Variants in ZNF254 observed in about 807,000 individuals in gnomAD.
The protein encoded by ZNF254 is zinc finger protein 254.
A neutral mutation model predicts 12.4 loss-of-function variants in ZNF254; 10 were observed. The observed-to-expected ratio is 0.80, with a 90% CI of 0.50 to 1.36. ZNF254 has a LOEUF of 1.36. ZNF254 is among the 40% of genes most tolerant of loss of function. ZNF254 has a pLI of 0.00. For synonymous variants in ZNF254, 305 were observed against 253.4 expected, an observed-to-expected ratio of 1.20 and a Z score of -1.93; for missense variants, 996 against 763.9, an observed-to-expected ratio of 1.30 and a Z score of -3.58.
At chr19:24,099,401 G>C (rs1972874333) in intron 1 of ZNF254, among the ~76,000 whole-genome samples, 1 of 152,112 alleles carries the variant, frequency 6.6e-6, no homozygotes, top group Non-Finnish European at 1.5e-5. Context: ...GCTATGGGCT[G>C]TATGTCAGTG....
At chr19:24,087,417 G>T in intron 1 of ZNF254, 80 bp downstream of exon 1, 2 of 1,580,756 alleles carry the variant, frequency 1.3e-6, no homozygotes, top group Non-Finnish European at 1.7e-6. Context: ...GCGGGACTCA[G>T]GCCTCCCCCC....
At chr19:24,116,949 T>G (rs534550921) in intron 3 of ZNF254, among the ~76,000 whole-genome samples, 1 of 152,178 alleles carries the variant, frequency 6.6e-6, no homozygotes, top group Non-Finnish European at 1.5e-5. Context: ...TGGAGTTTGC[T>G]AGATGTCCAC....
intron 2 of ZNF254, among the ~76,000 whole-genome samples, chr19:24,077,938 A>G (rs1477435647): frequency 6.6e-6 from 1 of 152,224 alleles, no homozygotes; most frequent in Admixed American, 6.5e-5. Context: ...GTGAAAATAA[A>G]AAAAAAGAGC....
At chr19:24,113,226 CAA>C (rs1162536200) in intron 3 of ZNF254, among the ~76,000 whole-genome samples, 1 of 151,944 alleles carries the variant, frequency 6.6e-6, no homozygotes, top group African/African-American at 2.4e-5. Context: ...GAGACACAAC[CAA>C]AAAAGAGAAT....
At chr19:24,102,455 GT>G (rs1294057507) in intron 1 of ZNF254, among the ~76,000 whole-genome samples, 2 of 150,732 alleles carry the variant, frequency 1.3e-5, no homozygotes, top group African/African-American at 4.9e-5. Context: ...CCCCAGTGGT[GT>G]AAAGAACAGA....
chr19:24,087,006 C>G (rs986944931), upstream of ZNF254, among the ~76,000 whole-genome samples: 3 of 152,216 alleles, frequency 2.0e-5, no homozygotes, highest in East Asian at 3.9e-4. Flanking sequence ...AAGCCCTGCC[C>G]GATAAGGCTG....
chr19:24,053,582 C>G (rs1048734348), intron 2 of ZNF254, among the ~76,000 whole-genome samples: 10 of 152,042 alleles, frequency 6.6e-5, no homozygotes, highest in African/African-American at 2.4e-4. Context: ...TATGACTTTC[C>G]TCTACTTCCT....
intron 3 of ZNF254, among the ~76,000 whole-genome samples, chr19:24,120,188 TG>T (rs1188628831): frequency 1.3e-5 from 2 of 152,106 alleles, no homozygotes; most frequent in Non-Finnish European, 2.9e-5. Context: ...TCTGCTTTCA[TG>T]AGACTTATTC....
At chr19:24,117,752 C>A (rs562726718) in intron 3 of ZNF254, among the ~76,000 whole-genome samples, 1 of 151,956 alleles carries the variant, frequency 6.6e-6, no homozygotes, top group Non-Finnish European at 1.5e-5. Context: ...CCCGGTACCT[C>A]GGATGGAAAT....
chr19:24,043,092 CTG>C (rs569017005), intron 1 of ZNF254, among the ~76,000 whole-genome samples: 120 of 152,032 alleles, frequency 7.9e-4, no homozygotes, highest in Admixed American at 1.7e-3. Context: ...GCTTTTGAAA[CTG>C]GAAGTTCTAA....
At chr19:24,061,856 G>C (rs556685021) in intron 2 of ZNF254, among the ~76,000 whole-genome samples, 1 of 152,110 alleles carries the variant, frequency 6.6e-6, no homozygotes, top group Non-Finnish European at 1.5e-5. Context: ...GGTAGAGGTG[G>C]ACGGATCACC....
At chr19:24,055,370 C>G (rs1408840143) in intron 2 of ZNF254, among the ~76,000 whole-genome samples, 1 of 151,772 alleles carries the variant, frequency 6.6e-6, no homozygotes, top group Non-Finnish European at 1.5e-5. Flanking sequence ...ATCTCCACCT[C>G]CGGGTTCAAG....
In ZNF254 at chr19:24,087,340, G is replaced by A; in HGVS notation, c.30+3G>A. The A allele has an allele frequency of 1.2e-6, 2 of 1,613,640 alleles. No individual in the cohort carries two copies. Among genetic ancestry groups the A allele is most frequent in the East Asian group, 2.2e-5 (1 of 44,866 alleles). ...GACCCCCTAGAAGCCTAGAAATGGT[G>A]AGAATGCCAGTCCGACATCCCGAGA... On this transcript the variant is annotated splice_donor_region_variant and intron_variant, in intron 1 of 3. Transcript: ENST00000357002.
At chr19:24,081,937 A>T (rs1408539764) in intron 2 of ZNF254, among the ~76,000 whole-genome samples, 1 of 152,152 alleles carries the variant, frequency 6.6e-6, no homozygotes, top group African/African-American at 2.4e-5. Flanking sequence ...AGCCTGGCTA[A>T]CATGGCGAAA....
Position 24,107,231 on chromosome 19 carries a change from T to A in ZNF254, c.253+588T>A, listed in dbSNP as rs776753986. The A allele has an allele frequency of 5.8e-5, 38 of 654,420 alleles. No individual in the cohort carries two copies. In the Middle Eastern group the frequency reaches 7.1e-4, roughly 12 times the overall value. The allele number at this position is 654,420 out of a possible 1,614,324, so 40.5% of individuals were successfully genotyped here. A position where few individuals can be genotyped will look rare whatever the true frequency, so the allele number is the denominator to read the frequency against. On this transcript the variant is annotated intron_variant, in intron 3 of 3. Transcript: ENST00000357002. ...TCCATTTTAGGATTGGATTTTTCAT[T>A]ACTGTGAAGAAAAACACTGGAATTT...
chr19:24,033,876 G>A (rs1211105259), intron 1 of ZNF254, among the ~76,000 whole-genome samples: 1 of 152,242 alleles, frequency 6.6e-6, no homozygotes, highest in African/African-American at 2.4e-5. Context: ...GATTGTTCAG[G>A]GATGCCAGGC....
At chr19:24,123,899 G>A (rs557846589) in intron 3 of ZNF254, among the ~76,000 whole-genome samples, 2 of 152,056 alleles carry the variant, frequency 1.3e-5, no homozygotes, top group Non-Finnish European at 2.9e-5. Flanking sequence ...AGAAAGGCAA[G>A]ATGAATCTCA....
chr19:24,045,121 T>G (rs186292138), intron 1 of ZNF254, among the ~76,000 whole-genome samples: 32 of 152,242 alleles, frequency 2.1e-4, no homozygotes, highest in African/African-American at 6.0e-4. Context: ...GCATAACCAG[T>G]GCAAGCTGAC....
rs778216175 is a variant in ZNF254, at chr19:24,106,035, G to A, written c.126G>A (p.Met42Ile). 3 of 1,598,122 alleles carry A rather than the reference G, an allele frequency of 1.9e-6. No homozygotes were observed. Among genetic ancestry groups the A allele is most frequent in the Admixed American group, 1.7e-5 (1 of 59,424 alleles). The part of the protein sequence containing the change: ...IAQQNLYRNV[M>I]LENYRNLAFL... ...AGCAGAATTTATATAGAAATGTGAT[G>A]TTAGAGAACTACAGAAACCTGGCCT... is the stretch of plus-strand genomic sequence containing the variant. The change falls in exon 2 of 4, where the codon ATG (methionine) becomes ATA (isoleucine). Residue 42 changes from methionine (M) to isoleucine (I), a missense_variant. Transcript: ENST00000357002.
Sources: gnomAD v4.1 joint callset for allele counts (sites outside exome capture counted in the v4.1 genomes callset) on GRCh38, gnomAD v4.1.1 for gene constraint, MANE v1.5 for transcripts, NCBI Gene and HGNC (gene_info 2026-07-23, HGNC 2026-07-21) for gene names.